Variants in FGD3 observed in about 807,000 individuals in gnomAD.
FGD3 encodes FYVE, RhoGEF and PH domain containing 3, also known as FYVE, RhoGEF and PH domain-containing protein 3.
FGD3 carries 45 observed loss-of-function variants against 71.8 expected under a neutral mutation model. That is an observed-to-expected ratio of 0.63 (90% CI 0.49 to 0.80). The LOEUF is 0.80. Among genes scored for constraint, FGD3 ranks in the 30% least tolerant of loss-of-function variants. The pLI is 0.00. For missense variants in FGD3, 844 were observed against 951.5 expected (o/e 0.89, Z 1.49); for synonymous variants, 378 against 392.8 (o/e 0.96, Z 0.44).
chr9:92,952,386 G>A (rs1858970558), intron 1 of FGD3, among the ~76,000 whole-genome samples: 1 of 151,928 alleles, frequency 6.6e-6, no homozygotes, highest in Non-Finnish European at 1.5e-5. Context: ...ACAGGCACCC[G>A]CCACCACGCC....
chr9:92,988,114 G>A (rs1860259255), intron 3 of FGD3, among the ~76,000 whole-genome samples: 1 of 152,170 alleles, frequency 6.6e-6, no homozygotes, highest in South Asian at 2.1e-4. Context: ...AGGGTGAGGA[G>A]GGCGGATTTA....
chr9:92,964,417 T>C (rs1859239991), intron 1 of FGD3: 1 of 152,054 alleles, frequency 6.6e-6, no homozygotes, highest in African/African-American at 2.4e-5. Flanking sequence ...TTGTGGAACT[T>C]TGGGGTGGTA....
At chr9:93,015,916 C>T in intron 10 of FGD3, 87 bp downstream of exon 10, 1 of 1,211,592 alleles carries the variant, frequency 8.3e-7, no homozygotes, top group South Asian at 1.2e-5. Context: ...CGCTGAGGCA[C>T]TCACCTCTGT....
chr9:92,981,565 A>G (rs1019522973), intron 3 of FGD3, among the ~76,000 whole-genome samples: 7 of 151,962 alleles, frequency 4.6e-5, no homozygotes, highest in Non-Finnish European at 7.4e-5. Flanking sequence ...CTGTCTGTAG[A>G]GTTGTTCAAG....
intron 14 of FGD3, among the ~76,000 whole-genome samples, chr9:93,029,178 C>A (rs1862260943): frequency 6.6e-6 from 1 of 151,786 alleles, no homozygotes; most frequent in African/African-American, 2.4e-5. Flanking sequence ...ATTACAGGCA[C>A]CCACTACCAC....
chr9:92,964,820 G>C (rs1443375725), intron 1 of FGD3, among the ~76,000 whole-genome samples: 1 of 152,122 alleles, frequency 6.6e-6, no homozygotes. Flanking sequence ...ACCCAGGCCT[G>C]GGGGGCGGGG....
At chr9:93,032,664 TCCTCCCGCCCACTCCA>T (rs59275077) in intron 15 of FGD3, 89 bp from the exon 16 acceptor site, 300,195 of 1,059,940 alleles carry the variant, frequency 0.28, 41,103 homozygotes, top group African/African-American at 0.43. Flanking sequence ...GTGTTAAGTC[TCCTCCCGCCCACTCCA>T]CCTCCCGCCC....
intron 5 of FGD3, 82 bp from the exon 6 acceptor site, chr9:93,005,942 C>T (rs1861033162): frequency 1.4e-6 from 2 of 1,477,142 alleles, no homozygotes; most frequent in African/African-American, 1.4e-5. Context: ...ACCCCACACC[C>T]CCCTGGTGGA....
chr9:92,984,718 A>G (rs184103318), intron 3 of FGD3, among the ~76,000 whole-genome samples: 16 of 152,304 alleles, frequency 1.1e-4, no homozygotes, highest in African/African-American at 3.6e-4. Context: ...TTTTGCCCCA[A>G]AGAGGTGTAG....
intron 1 of FGD3, among the ~76,000 whole-genome samples, chr9:92,973,942 A>T (rs1587821907): frequency 1.3e-5 from 2 of 152,186 alleles, no homozygotes; most frequent in South Asian, 4.1e-4. Context: ...TGGGCCCCAC[A>T]GGGCTTCCCT....
At chr9:92,985,118 G>T (rs1053519383) in intron 3 of FGD3, among the ~76,000 whole-genome samples, 1 of 152,192 alleles carries the variant, frequency 6.6e-6, no homozygotes, top group African/African-American at 2.4e-5. Flanking sequence ...TTGGCAGAGA[G>T]GGGAAACCAT....
chr9:93,005,986 A>G, intron 5 of FGD3, 38 bp from the exon 6 acceptor site: 1 of 1,562,226 alleles, frequency 6.4e-7, no homozygotes, highest in Non-Finnish European at 8.7e-7. Flanking sequence ...TCCCCATTGC[A>G]CCCAGCTATT....
chr9:92,964,782 C>G (rs1006475269), intron 1 of FGD3, among the ~76,000 whole-genome samples: 1 of 152,082 alleles, frequency 6.6e-6, no homozygotes, highest in African/African-American at 2.4e-5. Flanking sequence ...GCCAGGGCAT[C>G]GAGACCACGG....
At chr9:93,026,509 C>T (rs73651351) in intron 14 of FGD3, among the ~76,000 whole-genome samples, 3,933 of 152,272 alleles carry the variant, frequency 0.026, 172 homozygotes, top group African/African-American at 0.086. Flanking sequence ...CGACGGGCTG[C>T]GGACCTCAGC....
At chr9:93,024,163 TC>T (rs988669668) in intron 14 of FGD3, among the ~76,000 whole-genome samples, 8 of 152,192 alleles carry the variant, frequency 5.3e-5, no homozygotes, top group Non-Finnish European at 1.2e-4. Context: ...TGCCCCAGAC[TC>T]ACAGAGCTCT....
intron 2 of FGD3, among the ~76,000 whole-genome samples, chr9:92,975,955 A>AT (rs1335848142): frequency 1.3e-5 from 2 of 152,206 alleles, no homozygotes; most frequent in African/African-American, 4.8e-5. Flanking sequence ...CACAGGGTTA[A>AT]TTTTTTTTAT....
At chr9:93,035,146 G>A (rs1018776882) in intron 17 of FGD3, among the ~76,000 whole-genome samples, 192 bp from the exon 18 acceptor site, 3 of 152,208 alleles carry the variant, frequency 2.0e-5, no homozygotes, top group African/African-American at 7.2e-5. Context: ...GGAAGAACCA[G>A]TGGATGCCCC....
At chr9:92,959,427 G>C (rs904413513) in intron 1 of FGD3, among the ~76,000 whole-genome samples, 5 of 151,976 alleles carry the variant, frequency 3.3e-5, no homozygotes, top group African/African-American at 1.2e-4. Flanking sequence ...ATTGGGCAAG[G>C]CTCGGTGGGT....
intron 9 of FGD3, among the ~76,000 whole-genome samples, chr9:93,014,423 G>A (rs542632341): frequency 1.3e-5 from 2 of 152,086 alleles, no homozygotes; most frequent in East Asian, 1.9e-4. Flanking sequence ...AGACCCCCCC[G>A]GGTGCCATGG....
Sources: allele counts gnomAD v4.1 joint callset (sites outside exome capture counted in the v4.1 genomes callset), GRCh38; gene constraint gnomAD v4.1.1; transcripts MANE v1.5; gene names NCBI Gene and HGNC (gene_info 2026-07-23, HGNC 2026-07-21).